Variants in LIN28A observed in about 807,000 individuals in gnomAD.
LIN28A encodes the protein protein lin-28 homolog A.
Under a neutral mutation model 21.1 loss-of-function variants are expected in LIN28A, and 11 were observed. That is an observed-to-expected ratio of 0.52 (90% CI 0.33 to 0.86). The LOEUF is 0.86. LIN28A is among the 40% of genes least tolerant of loss of function. The pLI, the probability that LIN28A is intolerant of heterozygous loss-of-function variation, is 0.03. For missense variants in LIN28A, 219 were observed against 279.8 expected, an observed-to-expected ratio of 0.78 and a Z score of 1.55; for synonymous variants, 111 against 108.7, an observed-to-expected ratio of 1.02 and a Z score of -0.13.
At chr1:26,418,584 T>C (rs990393256) in intron 2 of LIN28A, among the ~76,000 whole-genome samples, 1 of 151,468 alleles carries the variant, frequency 6.6e-6, no homozygotes, top group African/African-American at 2.4e-5. Context: ...TGTTGTCTGA[T>C]GCCACATTCC....
Position 26,417,560 on chromosome 1 carries a change from T to C in LIN28A, c.228+5978T>C, listed in dbSNP as rs112931128. On this transcript the variant is annotated intron_variant, in intron 2 of 3. Transcript: ENST00000326279. Reference sequence around the variant, plus strand: ...CATAATGAATTGCACTGGGGAGAGTTAGGCCAGCTGCACTCAGCTCAGCTC... The same window carrying C: ...CATAATGAATTGCACTGGGGAGAGTCAGGCCAGCTGCACTCAGCTCAGCTC... Among the ~76,000 whole-genome samples, 1,482 of 152,296 alleles carry C rather than the reference T, an allele frequency of 9.7e-3. 27 individuals are homozygous for C. The highest frequency in any genetic ancestry group is 0.031 in the African/African-American group (1,294 of 41,566).
At position 26,411,409 on chromosome 1, in the gene LIN28A, G is replaced by A. The variant is rs754594227; in HGVS notation, c.55G>A (p.Glu19Lys). 6.2e-7 allele frequency: 1 copy of A among 1,600,696 alleles called. No homozygotes were observed. The highest frequency in any genetic ancestry group is 2.3e-5 in the East Asian group (1 of 44,244). ...FAGGCAKAAE[E>K]APEEAPEDAA... ...AGGTGGCTGCGCCAAGGCGGCAGAA[G>A]AGGCGCCCGAGGAGGCGCCGGAGGA... Residue 19 changes from glutamate to lysine, a missense_variant, in exon 2 of 4, where the codon GAG (glutamate) becomes AAG (lysine). By Grantham distance (56) the Glu-to-Lys change is moderately conservative. This residue lies in a region of LIN28A where 50 missense variants were observed against 49.0 expected (regional missense o/e 1.02). Transcript: ENST00000326279. The surrounding 1 kb of genome is among the most constrained non-coding windows in gnomAD (Gnocchi z 5.4).
Position 26,424,133 on chromosome 1 carries a change from T to C in LIN28A, c.229-1170T>C, listed in dbSNP as rs145810862. ...TAAAAATACCACTTGATTTTGTATTTTTTCCAGTATTCTACTTATTTGGTC... is the reference window on the plus strand; with the variant it reads ...TAAAAATACCACTTGATTTTGTATTCTTTCCAGTATTCTACTTATTTGGTC... On this transcript the variant is annotated intron_variant, in intron 2 of 3. Coordinates refer to ENST00000326279, the MANE Select transcript of LIN28A (RefSeq NM_024674.6). Among the ~76,000 whole-genome samples, 135 of 152,280 alleles carry C rather than the reference T, an allele frequency of 8.9e-4. 1 individual carries two copies. Among genetic ancestry groups the C allele is most frequent in the African/African-American group, 3.1e-3 (129 of 41,558 alleles).
intron 2 of LIN28A, among the ~76,000 whole-genome samples, chr1:26,423,238 G>A (rs978901245): frequency 6.6e-5 from 10 of 151,640 alleles, no homozygotes; most frequent in African/African-American, 4.8e-5. Context: ...ATGGCATTTC[G>A]TCACGTAGGC....
Position 26,411,582 on chromosome 1 carries a change from G to A in LIN28A, c.228G>A (p.Gln76=). 2 of 1,611,466 alleles carry A rather than the reference G, an allele frequency of 1.2e-6. No individual in the cohort carries two copies. Among genetic ancestry groups the A allele is most frequent in the Non-Finnish European group, 1.7e-6 (2 of 1,179,362 alleles). ...LDPPVDVFVH[Q]SKLHMEGFRS... ...CCCCAGTGGATGTCTTTGTGCACCA[G>A]GTGAGACTGATTCCGGTAACTTTGC... The change falls in exon 2 of 4, where the codon CAG becomes CAA. Residue 76 remains glutamine (Q), a splice_region_variant and synonymous_variant. Transcript: ENST00000326279. The surrounding 1 kb of genome is among the most constrained non-coding windows in gnomAD (Gnocchi z 5.4).
At position 26,410,905 on chromosome 1, in the gene LIN28A, C is replaced by A; in HGVS notation, c.14C>A (p.Ser5Tyr). The stretch of plus-strand genomic sequence containing the variant: ...CAGCCGACGACCATGGGCTCCGTGT[C>A]CAACCAGCAGTTTGCAGGTTCGAGC... MGSV[S>Y]NQQFAGGCAK... Residue 5 changes from serine to tyrosine, a missense_variant, in exon 1 of 4, where the codon TCC becomes TAC. Ser to Tyr is a moderately radical substitution (Grantham distance 144, BLOSUM62 -2). Transcript: ENST00000326279. 6.2e-7 allele frequency: 1 copy of A among 1,608,442 alleles called. No individual in the cohort carries two copies. The highest frequency in any genetic ancestry group is 8.5e-7 in the Non-Finnish European group (1 of 1,178,518).
At chr1:26,419,012 C>T (rs889596328) in intron 2 of LIN28A, among the ~76,000 whole-genome samples, 2 of 151,884 alleles carry the variant, frequency 1.3e-5, no homozygotes, top group African/African-American at 4.8e-5. Flanking sequence ...TCTTTGTTTC[C>T]TGGGGCTGGG....
intron 2 of LIN28A, among the ~76,000 whole-genome samples, chr1:26,423,502 C>G (rs969956885): frequency 6.8e-6 from 1 of 147,900 alleles, no homozygotes; most frequent in African/African-American, 2.5e-5. Context: ...CTCCGCCTCC[C>G]GGGTTCAAGT....
intron 2 of LIN28A, among the ~76,000 whole-genome samples, chr1:26,424,739 GTTGT>G (rs894273114): frequency 3.0e-4 from 44 of 149,100 alleles, no homozygotes; most frequent in African/African-American, 3.7e-4. Context: ...TCTGTTTGTT[GTTGT>G]TTGTTTGTTT....
chr1:26,425,789 C>T (rs2124306037), intron 3 of LIN28A, among the ~76,000 whole-genome samples: 1 of 152,314 alleles, frequency 6.6e-6, no homozygotes, highest in African/African-American at 2.4e-5. Flanking sequence ...CATAGATTTG[C>T]AAATGGTGGG....
At chr1:26,418,542 TA>T (rs10680192) in intron 2 of LIN28A, among the ~76,000 whole-genome samples, 84 of 144,432 alleles carry the variant, frequency 5.8e-4, no homozygotes, top group Admixed American at 2.3e-3. Flanking sequence ...CCAGACTTTT[TA>T]AAAAAAAAAA....
intron 2 of LIN28A, among the ~76,000 whole-genome samples, chr1:26,416,148 A>G (rs2074991840): frequency 6.6e-6 from 1 of 152,094 alleles, no homozygotes; most frequent in Non-Finnish European, 1.5e-5. Context: ...GTACACCACC[A>G]CACCCAGCTA....
At chr1:26,413,812 T>G (rs1483536506) in intron 2 of LIN28A, among the ~76,000 whole-genome samples, 6 of 148,974 alleles carry the variant, frequency 4.0e-5, no homozygotes, top group African/African-American at 1.5e-4. Context: ...TTTGTTTGTT[T>G]GTTTGTTTGT....
At chr1:26,418,537 CTT>C (rs200810987) in intron 2 of LIN28A, among the ~76,000 whole-genome samples, 2,468 of 105,388 alleles carry the variant, frequency 0.023, 25 homozygotes, top group African/African-American at 0.056. Context: ...CAGAGCCAGA[CTT>C]TTTAAAAAAA....
At chr1:26,420,577 A>C (rs6598965) in intron 2 of LIN28A, among the ~76,000 whole-genome samples, 118,273 of 148,180 alleles carry the variant, frequency 0.8, 47,992 homozygotes, top group East Asian at 1. Context: ...GCACTTCAGC[A>C]TGGGCGACAG....
intron 2 of LIN28A, 138 bp from the exon 3 acceptor site, chr1:26,425,165 C>T: frequency 1.3e-6 from 1 of 775,434 alleles, no homozygotes. Context: ...ATCGTAGTGA[C>T]TCTTTGAGTC....
At chr1:26,426,093 T>C (rs1403538104) in intron 3 of LIN28A, 149 bp from the exon 4 acceptor site, 4 of 624,170 alleles carry the variant, frequency 6.4e-6, no homozygotes, top group Non-Finnish European at 1.1e-5. Context: ...CATTTAGTAA[T>C]AGTCCTCCTT....
rs747457761 is a variant in LIN28A, at chr1:26,411,613, G to C, written c.228+31G>C. Reference sequence around the variant, plus strand: ...ACTGATTCCGGTAACTTTGCCCAGGGAAGGGCGTCTAGGCGCCCATATCCA... The same window carrying C: ...ACTGATTCCGGTAACTTTGCCCAGGCAAGGGCGTCTAGGCGCCCATATCCA... On this transcript the variant is annotated intron_variant, in intron 2 of 3. Transcript: ENST00000326279. The surrounding 1 kb of genome is among the most constrained non-coding windows in gnomAD (Gnocchi z 5.4). The C allele has an allele frequency of 2.5e-6, 4 of 1,600,492 alleles. No homozygotes were observed. In the East Asian group the frequency reaches 9.0e-5, roughly 36 times the overall value.
In LIN28A at chr1:26,422,414, A is replaced by ATT. The variant is rs60313858; in HGVS notation, c.229-2874_229-2873dup. On this transcript the variant is annotated intron_variant, in intron 2 of 3. Coordinates refer to ENST00000326279, the MANE Select transcript of LIN28A (RefSeq NM_024674.6). ...ATATGCAAATTTTGTCAATTGTCCT[A>ATT]TTTTTTTTTTTTTTTTCCTGTTTCA... Among the ~76,000 whole-genome samples the ATT allele has an allele frequency of 5.3e-3, 712 of 134,884 alleles. 7 individuals carry two copies. Among genetic ancestry groups the ATT allele is most frequent in the African/African-American group, 0.015 (565 of 37,150 alleles). The allele number at this position is 134,884 out of a possible 152,430, so 88.5% of individuals were successfully genotyped here.
Sources: gnomAD v4.1 joint callset for allele counts (sites outside exome capture counted in the v4.1 genomes callset) on GRCh38, gnomAD v4.1.1 for gene constraint, gnomAD v4.1.1 regional missense constraint, Gnocchi (gnomAD v3.1) non-coding constraint, MANE v1.5 for transcripts, NCBI Gene and HGNC (gene_info 2026-07-23, HGNC 2026-07-21) for gene names.